RYR2: variants seen among roughly 807,000 people sequenced by gnomAD.
The protein encoded by RYR2 is cardiac muscle ryanodine receptor-calcium release channel.
Under a neutral mutation model 601.1 loss-of-function variants are expected in RYR2, and 227 were observed. That is an observed-to-expected ratio of 0.38 (90% CI 0.34 to 0.42). RYR2 has a LOEUF of 0.42. RYR2 is among the 10% of genes least tolerant of loss of function. The pLI, the probability that RYR2 is intolerant of heterozygous loss-of-function variation, is 1.00. For missense variants in RYR2, 4,646 were observed against 6,156.5 expected, an observed-to-expected ratio of 0.75 and a Z score of 8.21; for synonymous variants, 2,223 against 2,175.1, an observed-to-expected ratio of 1.02 and a Z score of -0.61.
chr1:237,306,622 G>T (rs1343278663), intron 2 of RYR2, among the ~76,000 whole-genome samples: 1 of 150,738 alleles, frequency 6.6e-6, no homozygotes, highest in Non-Finnish European at 1.5e-5. Flanking sequence ...TCTTTCTCCT[G>T]ATATCAGCTT....
chr1:237,369,054 C>A (rs1480122443), intron 5 of RYR2, among the ~76,000 whole-genome samples: 2 of 151,936 alleles, frequency 1.3e-5, no homozygotes, highest in Admixed American at 6.5e-5. Context: ...GAACTCCTGA[C>A]CTCAGGTAAT....
chr1:237,708,971 C>T lies in RYR2; in HGVS notation c.10015C>T (p.His3339Tyr). ...AGCTACGGTGGTGTCTGAGGAAGACCACCTGAAAGCTGAGGCCAGGGGGGA... is the reference window on the plus strand; with the variant it reads ...AGCTACGGTGGTGTCTGAGGAAGACTACCTGAAAGCTGAGGCCAGGGGGGA... ...KAATVVSEED[H>Y]LKAEARGDMS... is the part of the protein sequence containing the mutation. Residue 3339 changes from histidine (H) to tyrosine (Y), a missense_variant, in exon 69 of 105, where the codon CAC (histidine) becomes TAC (tyrosine). By Grantham distance (83) the His-to-Tyr change is moderately conservative. This residue lies in a region of RYR2 where 1,497 missense variants were observed against 1,842.6 expected (regional missense o/e 0.81). Transcript: ENST00000366574. The T allele has an allele frequency of 6.2e-7, 1 of 1,613,618 alleles. No individual in the cohort carries two copies. The highest frequency in any genetic ancestry group is 8.5e-7 in the Non-Finnish European group (1 of 1,179,708).
Position 237,833,383 on chromosome 1 carries a change from CCTG to C in RYR2, c.*739_*741del, listed in dbSNP as rs1664043657. 3.0e-5 allele frequency: 4 copies of C among 131,264 alleles called. No individual in the cohort carries two copies. The highest frequency in any genetic ancestry group is 1.6e-4 in the Admixed American group (2 of 12,434). The allele number at this position is 131,264 out of a possible 1,614,324, so 8.1% of individuals were successfully genotyped here. A position where few individuals can be genotyped will look rare whatever the true frequency, so the allele number is the denominator to read the frequency against. ...CCCCCCGCCCCCGCCCCCATATGCT[CCTG>C]CTATTATTTTGGTAATGCTCTGATG... On this transcript the variant is annotated 3_prime_UTR_variant, in exon 105 of 105. Transcript: ENST00000366574.
intron 80 of RYR2, among the ~76,000 whole-genome samples, chr1:237,752,769 A>G (rs1338518256): frequency 1.3e-5 from 2 of 152,132 alleles, no homozygotes; most frequent in Non-Finnish European, 2.9e-5. Flanking sequence ...TTTATTTCGT[A>G]TAATATTGAT....
intron 1 of RYR2, among the ~76,000 whole-genome samples, chr1:237,165,396 T>G (rs1676589778): frequency 6.6e-6 from 1 of 152,222 alleles, no homozygotes; most frequent in Non-Finnish European, 1.5e-5. Flanking sequence ...TCAAAATCAC[T>G]TATCTTTTGG....
intron 48 of RYR2, 36 bp from the exon 49 acceptor site, chr1:237,648,408 C>T (rs369492250): frequency 5.7e-5 from 89 of 1,551,082 alleles, no homozygotes; most frequent in Non-Finnish European, 6.7e-5. Context: ...GTATATGACA[C>T]AGCCATTGAC....
At chr1:237,209,715 G>A (rs1682355795) in intron 1 of RYR2, among the ~76,000 whole-genome samples, 1 of 152,062 alleles carries the variant, frequency 6.6e-6, no homozygotes, top group African/African-American at 2.4e-5. Context: ...AATTAGCCAG[G>A]TGTGGTGATG....
chr1:237,346,384 A>AAAAAAAAAAAAAAAAAT (rs1558659601), intron 3 of RYR2, among the ~76,000 whole-genome samples: 4 of 151,344 alleles, frequency 2.6e-5, no homozygotes, highest in African/African-American at 7.3e-5. Flanking sequence ...AAAAAAAAAA[A>AAAAAAAAAAAAAAAAAT]GTGCATATCC....
At chr1:237,068,480 G>A (rs1006254812) in intron 1 of RYR2, among the ~76,000 whole-genome samples, 6 of 151,998 alleles carry the variant, frequency 3.9e-5, no homozygotes, top group African/African-American at 1.4e-4. Context: ...CCTTACCAAC[G>A]TGGCCATTTG....
intron 14 of RYR2, among the ~76,000 whole-genome samples, chr1:237,446,065 T>C (rs973677715): frequency 6.6e-6 from 1 of 152,176 alleles, no homozygotes; most frequent in Non-Finnish European, 1.5e-5. Flanking sequence ...TCCGCTCTCC[T>C]TGGCCTCCCA....
intron 28 of RYR2, among the ~76,000 whole-genome samples, chr1:237,568,172 G>A: frequency 6.6e-6 from 1 of 152,100 alleles, no homozygotes; most frequent in East Asian, 1.9e-4. Flanking sequence ...GGCATGGGGT[G>A]GGTGGGGTAG....
intron 1 of RYR2, among the ~76,000 whole-genome samples, chr1:237,068,169 G>A (rs1334108684): frequency 4.0e-5 from 6 of 150,226 alleles, no homozygotes; most frequent in Admixed American, 6.7e-5. Context: ...AAAACGTTTC[G>A]TTGTTTTTTA....
intron 33 of RYR2, among the ~76,000 whole-genome samples, chr1:237,595,165 T>G (rs1479529573): frequency 6.6e-6 from 1 of 152,044 alleles, no homozygotes; most frequent in African/African-American, 2.4e-5. Context: ...TTTGGATGAT[T>G]TTTAAATAGT....
chr1:237,700,693 G>A (rs1340600641), intron 65 of RYR2, among the ~76,000 whole-genome samples: 1 of 152,054 alleles, frequency 6.6e-6, no homozygotes, highest in Admixed American at 6.5e-5. Context: ...GTAAGGTACT[G>A]GTTATAGAAA....
intron 1 of RYR2, among the ~76,000 whole-genome samples, chr1:237,064,676 G>A (rs1218818306): frequency 6.6e-6 from 1 of 150,834 alleles, no homozygotes; most frequent in African/African-American, 2.4e-5. Flanking sequence ...CTTCCTAGTA[G>A]GTATAACTCT....
chr1:237,720,710 C>T (rs1347401344), intron 73 of RYR2, among the ~76,000 whole-genome samples: 1 of 152,166 alleles, frequency 6.6e-6, no homozygotes, highest in Non-Finnish European at 1.5e-5. Context: ...ATACCTGGAG[C>T]ACCATTATCT....
chr1:237,668,281 A>G (rs957962922), intron 58 of RYR2, among the ~76,000 whole-genome samples: 2 of 151,964 alleles, frequency 1.3e-5, no homozygotes, highest in African/African-American at 4.8e-5. Context: ...AATATCTCCT[A>G]TCTCACCCCT....
intron 8 of RYR2, among the ~76,000 whole-genome samples, chr1:237,384,865 C>T (rs564338817): frequency 6.6e-6 from 1 of 151,966 alleles, no homozygotes; most frequent in South Asian, 2.1e-4. Flanking sequence ...CTTTTTCCTA[C>T]CTTCCATATC....
chr1:237,253,163 CAAA>C lies in RYR2; in HGVS notation c.49-17318_49-17316del, dbSNP rs33931680. Among the ~76,000 whole-genome samples the C allele has an allele frequency of 1.4e-3, 158 of 109,600 alleles. No homozygotes were observed. In the East Asian group the frequency reaches 0.018, roughly 13 times the overall value. 71.9% of individuals were successfully genotyped at this position (109,600 alleles called of 152,430 possible). A position where few individuals can be genotyped will look rare whatever the true frequency, so the allele number is the denominator to read the frequency against. On this transcript the variant is annotated intron_variant, in intron 1 of 104. Transcript: ENST00000366574. ...TGGGCAACAGAGCGAGACTCCGTCTCAAAAAAAAAAAAAAAAAACAACAACAAA... is the reference window on the plus strand; with the variant it reads ...TGGGCAACAGAGCGAGACTCCGTCTCAAAAAAAAAAAAAAACAACAACAAA...
Sources: gnomAD v4.1 joint callset for allele counts (sites outside exome capture counted in the v4.1 genomes callset) on GRCh38, gnomAD v4.1.1 for gene constraint, gnomAD v4.1.1 regional missense constraint, MANE v1.5 for transcripts, NCBI Gene and HGNC (gene_info 2026-07-23, HGNC 2026-07-21) for gene names.